The following WDR41 variants were observed in gnomAD, a reference collection of about 807,000 sequenced individuals.
WDR41 encodes WD repeat-containing protein 41.
A neutral mutation model predicts 69.3 loss-of-function variants in WDR41; 63 were observed. The ratio of observed to expected loss-of-function variants is 0.91; its 90% confidence interval spans 0.74 to 1.12. The LOEUF (loss-of-function observed/expected upper bound fraction) is 1.12, where lower values mean the gene tolerates loss of function less well. WDR41 is among the 50% of genes most tolerant of loss of function. WDR41 has a pLI of 0.00. For synonymous variants in WDR41, 185 were observed against 192.1 expected (o/e 0.96, Z 0.31); for missense variants, 543 against 534.5 (o/e 1.02, Z -0.16).
In WDR41 at chr5:77,588,794, TA is replaced by T. The variant is rs558470456; in HGVS notation, c.42+31684del. Among the ~76,000 whole-genome samples, 634 of 152,242 alleles carry T rather than the reference TA, an allele frequency of 4.2e-3. 1 individual carries two copies. Among genetic ancestry groups the T allele is most frequent in the Middle Eastern group, 6.8e-3 (2 of 294 alleles). ...CCTTGTTTTATGTGTGTTTTTGTTT[TA>T]AAAAAAATCTTTAATATTATTGTTG... On this transcript the variant is annotated intron_variant, in intron 1 of 5. Coordinates refer to the WDR41 transcript ENST00000509971.
intron 1 of WDR41, among the ~76,000 whole-genome samples, chr5:77,614,394 C>A (rs1253999364): frequency 1.3e-5 from 2 of 150,840 alleles, no homozygotes; most frequent in African/African-American, 2.4e-5. Context: ...TTGGAACCAA[C>A]CCAAATGTCC....
chr5:77,556,204 A>G (rs894096062), intron 1 of WDR41, among the ~76,000 whole-genome samples: 1 of 149,536 alleles, frequency 6.7e-6, no homozygotes, highest in Non-Finnish European at 1.5e-5. Flanking sequence ...CCCGGGTTCA[A>G]GCAATTCTCC....
intron 1 of WDR41, among the ~76,000 whole-genome samples, chr5:77,508,256 G>A (rs1217893748): frequency 2.6e-5 from 4 of 152,098 alleles, no homozygotes; most frequent in African/African-American, 9.7e-5. Flanking sequence ...AGGTAGCTGA[G>A]ACTACAGGCA....
At chr5:77,476,770 A>G (rs1409347996) in intron 2 of WDR41, among the ~76,000 whole-genome samples, 4 of 150,520 alleles carry the variant, frequency 2.7e-5, no homozygotes, top group Admixed American at 6.6e-5. Flanking sequence ...ATCAACTAAC[A>G]AGCAAAATAA....
At chr5:77,485,114 C>T (rs903346685) in intron 2 of WDR41, among the ~76,000 whole-genome samples, 1 of 152,168 alleles carries the variant, frequency 6.6e-6, no homozygotes, top group Admixed American at 6.5e-5. Context: ...TGAGACAGCT[C>T]CCCTTATCCA....
At chr5:77,504,833 G>C (rs137912079) in intron 1 of WDR41, among the ~76,000 whole-genome samples, 2 of 152,056 alleles carry the variant, frequency 1.3e-5, no homozygotes, top group Admixed American at 6.6e-5. Context: ...AGCCCTTCAC[G>C]CTAAAAACTC....
chr5:77,479,602 G>A (rs1801128843), intron 2 of WDR41, among the ~76,000 whole-genome samples: 2 of 152,120 alleles, frequency 1.3e-5, no homozygotes, highest in South Asian at 2.1e-4. Context: ...AATGGTGCTG[G>A]GAAAACTGGC....
intron 2 of WDR41, among the ~76,000 whole-genome samples, chr5:77,473,721 A>T (rs1223488322): frequency 3.3e-5 from 5 of 152,236 alleles, no homozygotes; most frequent in African/African-American, 9.6e-5. Context: ...CCATCAGAGA[A>T]ATGCAAATCA....
intron 1 of WDR41, among the ~76,000 whole-genome samples, chr5:77,604,435 T>A (rs1362654294): frequency 6.6e-6 from 1 of 152,218 alleles, no homozygotes; most frequent in African/African-American, 2.4e-5. Context: ...AGAAATGATC[T>A]CTGAAAATAT....
At chr5:77,476,297 C>T (rs372647) in intron 2 of WDR41, among the ~76,000 whole-genome samples, 90,589 of 149,732 alleles carry the variant, frequency 0.61, 29,077 homozygotes, top group African/African-American at 0.83. Flanking sequence ...GGCAGGCCAA[C>T]ATTCAGATTC....
chr5:77,476,076 T>A (rs537727929), intron 2 of WDR41, among the ~76,000 whole-genome samples: 1 of 151,628 alleles, frequency 6.6e-6, no homozygotes, highest in Non-Finnish European at 1.5e-5. Context: ...GTATCAGCGA[T>A]GGAAGATGAA....
intron 1 of WDR41, among the ~76,000 whole-genome samples, chr5:77,591,334 A>G (rs2112307793): frequency 6.6e-6 from 1 of 152,210 alleles, no homozygotes; most frequent in South Asian, 2.1e-4. Context: ...CAAACTTATT[A>G]GCCTTTTCAA....
chr5:77,458,526 T>C (rs917171553), intron 5 of WDR41, among the ~76,000 whole-genome samples: 2 of 152,110 alleles, frequency 1.3e-5, no homozygotes, highest in African/African-American at 4.8e-5. Context: ...GTCTTATCTA[T>C]GTTTGTTTCT....
At chr5:77,479,754 T>C (rs1418747734) in intron 2 of WDR41, among the ~76,000 whole-genome samples, 3 of 152,176 alleles carry the variant, frequency 2.0e-5, no homozygotes, top group Non-Finnish European at 4.4e-5. Flanking sequence ...ATTCAGGACA[T>C]AGGCATGGGC....
intron 6 of WDR41, chr5:77,452,824 T>A (rs981761280): frequency 6.6e-6 from 1 of 152,194 alleles, no homozygotes; most frequent in East Asian, 1.9e-4. Flanking sequence ...AGGTGGCTAT[T>A]TCCAGGAACA....
At chr5:77,546,265 A>C (rs113203222) in intron 1 of WDR41, 4,672 of 356,828 alleles carry the variant, frequency 0.013, 42 homozygotes, top group Middle Eastern at 0.032. Context: ...GCTACAACAT[A>C]GAGTTTTTAT....
At chr5:77,470,728 C>T (rs1800552244) in intron 2 of WDR41, among the ~76,000 whole-genome samples, 1 of 152,184 alleles carries the variant, frequency 6.6e-6, no homozygotes, top group Non-Finnish European at 1.5e-5. Context: ...GAAGAGCTAA[C>T]TATCCTAAAT....
At chr5:77,553,690 A>G (rs1743338806) in intron 1 of WDR41, among the ~76,000 whole-genome samples, 1 of 152,216 alleles carries the variant, frequency 6.6e-6, no homozygotes, top group Admixed American at 6.5e-5. Context: ...ATGAAAAGAT[A>G]TTCAATATCA....
chr5:77,480,538 A>G (rs545409542), intron 2 of WDR41, among the ~76,000 whole-genome samples: 2 of 152,262 alleles, frequency 1.3e-5, no homozygotes, highest in Admixed American at 1.3e-4. Context: ...CATGGATGAA[A>G]TTGGAAAACA....
Sources: gnomAD v4.1 joint callset for allele counts (sites outside exome capture counted in the v4.1 genomes callset) on GRCh38, gnomAD v4.1.1 for gene constraint, MANE v1.5 for transcripts, NCBI Gene and HGNC (gene_info 2026-07-23, HGNC 2026-07-21) for gene names.